OLFM2: variants seen among roughly 807,000 people sequenced by gnomAD.
OLFM2 encodes noelin-2.
Under a neutral mutation model 43.9 loss-of-function variants are expected in OLFM2, and 20 were observed. The ratio of observed to expected loss-of-function variants is 0.46; its 90% CI spans 0.32 to 0.66. The LOEUF is 0.66. OLFM2 is among the 30% of genes least tolerant of loss of function. The probability of loss-of-function intolerance (pLI) is 0.04; values close to 1 mark genes in which losing one functional copy is unlikely to be tolerated. For missense variants in OLFM2, 416 were observed against 643.6 expected (o/e 0.65, Z 3.83); for synonymous variants, 268 against 278.6 (o/e 0.96, Z 0.38).
intron 1 of OLFM2, among the ~76,000 whole-genome samples, chr19:9,914,404 A>G (rs1185131783): frequency 1.3e-5 from 2 of 151,966 alleles, no homozygotes. Flanking sequence ...CACTCTAAGG[A>G]TCCTTCGGTC....
At chr19:9,935,490 A>G (rs1419508019) in intron 1 of OLFM2, among the ~76,000 whole-genome samples, 2 of 152,126 alleles carry the variant, frequency 1.3e-5, no homozygotes, top group African/African-American at 4.8e-5. Context: ...CAAGGCACCA[A>G]GATACACACA....
At chr19:9,924,889 G>GATAT (rs60738328) in intron 1 of OLFM2, among the ~76,000 whole-genome samples, 1 of 147,704 alleles carries the variant, frequency 6.8e-6, no homozygotes, top group Admixed American at 6.8e-5. Context: ...ATATATATGT[G>GATAT]ATATATATAT....
At chr19:9,913,659 C>T in intron 1 of OLFM2, 2 of 1,170,354 alleles carry the variant, frequency 1.7e-6, no homozygotes, top group Non-Finnish European at 2.1e-6. Flanking sequence ...GCCGCGCGTC[C>T]CTTCTCTGGC....
chr19:9,934,350 C>A (rs2086503184), intron 1 of OLFM2, among the ~76,000 whole-genome samples: 1 of 152,162 alleles, frequency 6.6e-6, no homozygotes. Flanking sequence ...CCCCCGTTGT[C>A]CTTTAGCCCC....
chr19:9,897,295 T>A (rs1479950633), intron 1 of OLFM2, among the ~76,000 whole-genome samples: 1 of 142,338 alleles, frequency 7.0e-6, no homozygotes, highest in Admixed American at 7.3e-5. Context: ...ACCACTACAC[T>A]CTAGCCTGGG....
chr19:9,931,398 A>G (rs1884569150), intron 1 of OLFM2, among the ~76,000 whole-genome samples: 1 of 151,870 alleles, frequency 6.6e-6, no homozygotes, highest in Non-Finnish European at 1.5e-5. Flanking sequence ...AGCCTGGCCA[A>G]TTTTTTTTAA....
intron 1 of OLFM2, chr19:9,913,982 C>T: frequency 6.7e-6 from 1 of 148,856 alleles, no homozygotes; most frequent in East Asian, 2.0e-4. Context: ...CGCCCCCCGC[C>T]GAGGACCTCT....
At chr19:9,865,161 TTCTCC>T (rs2046391118) in intron 1 of OLFM2, among the ~76,000 whole-genome samples, 1 of 124,656 alleles carries the variant, frequency 8.0e-6, no homozygotes, top group South Asian at 2.3e-4. Flanking sequence ...CTTCTTCTTC[TTCTCC>T]TCTTTTTTTT....
intron 1 of OLFM2, among the ~76,000 whole-genome samples, chr19:9,874,749 G>A (rs561601226): frequency 2.8e-4 from 42 of 152,246 alleles, no homozygotes; most frequent in South Asian, 1.7e-3. Flanking sequence ...CCAAAGTGCT[G>A]GGATTACAGG....
At chr19:9,878,178 C>G (rs889088672) in intron 1 of OLFM2, among the ~76,000 whole-genome samples, 3 of 152,086 alleles carry the variant, frequency 2.0e-5, no homozygotes, top group African/African-American at 7.2e-5. Context: ...CTGTGGTAGT[C>G]TGTTATAGTA....
In OLFM2 at chr19:9,857,291, G is replaced by A. The variant is rs2046327599; in HGVS notation, c.552C>T (p.Ala184=). The change falls in exon 4 of 6, where the codon GCC becomes GCT. Residue 184 remains alanine, a synonymous_variant. Transcript: ENST00000264833. The surrounding 1 kb of genome is among the most constrained non-coding windows in gnomAD (Gnocchi z 5.7). ...GCTTCTGGGCGCAGGCGTGGAGCCG[G>A]GCCTCCAGGGCCATCACCCGTTGCT... ...DLQQRVMALE[A]RLHACAQKLG... 1 of 1,614,050 alleles carries A rather than the reference G, an allele frequency of 6.2e-7. No homozygotes were observed. Among genetic ancestry groups the A allele is most frequent in the Non-Finnish European group, 8.5e-7 (1 of 1,180,004 alleles).
At chr19:9,914,858 CGCCGTCGCCCTCAGCCCGCG>C (rs572601764) in intron 1 of OLFM2, among the ~76,000 whole-genome samples, 2 of 152,190 alleles carry the variant, frequency 1.3e-5, no homozygotes, top group Non-Finnish European at 1.5e-5. Context: ...GCTCCGCCGC[CGCCGTCGCCCTCAGCCCGCG>C]GCCGCCGCCG....
At chr19:9,891,087 G>A (rs547669799) in intron 1 of OLFM2, among the ~76,000 whole-genome samples, 2 of 152,238 alleles carry the variant, frequency 1.3e-5, no homozygotes, top group African/African-American at 2.4e-5. Flanking sequence ...GCTGAGGCAC[G>A]CAGATCACCT....
intron 1 of OLFM2, among the ~76,000 whole-genome samples, chr19:9,877,222 T>C (rs1599475463): frequency 4.4e-5 from 4 of 90,280 alleles, no homozygotes; most frequent in Non-Finnish European, 6.4e-5. Flanking sequence ...AGAGTGAGAC[T>C]CCATCTCAAA....
intron 1 of OLFM2, among the ~76,000 whole-genome samples, chr19:9,901,435 C>A (rs2074474061): frequency 6.6e-6 from 1 of 150,790 alleles, no homozygotes; most frequent in South Asian, 2.1e-4. Context: ...CAAAAACAAA[C>A]AAACAAACAA....
chr19:9,868,123 C>T (rs1405111809), intron 1 of OLFM2, among the ~76,000 whole-genome samples: 5 of 151,450 alleles, frequency 3.3e-5, no homozygotes, highest in Non-Finnish European at 5.9e-5. Flanking sequence ...AGTGCAATGG[C>T]GTGATCTTGG....
At chr19:9,890,072 GAGGAC>G (rs1367181133) in intron 1 of OLFM2, among the ~76,000 whole-genome samples, 2 of 152,202 alleles carry the variant, frequency 1.3e-5, no homozygotes, top group East Asian at 3.9e-4. Context: ...CACGGGTCGG[GAGGAC>G]AGGGGTCTCT....
At chr19:9,927,859 C>G (rs564377593) in intron 1 of OLFM2, among the ~76,000 whole-genome samples, 2 of 151,748 alleles carry the variant, frequency 1.3e-5, no homozygotes, top group African/African-American at 4.8e-5. Flanking sequence ...GTCAGGAGTT[C>G]GAGACCAGCC....
At chr19:9,868,435 G>A (rs551253394) in intron 1 of OLFM2, among the ~76,000 whole-genome samples, 1 of 151,964 alleles carries the variant, frequency 6.6e-6, no homozygotes, top group Admixed American at 6.6e-5. Context: ...TCAAATTCCT[G>A]GGCTCAAGCA....
Sources: allele counts gnomAD v4.1 joint callset (sites outside exome capture counted in the v4.1 genomes callset), GRCh38; gene constraint gnomAD v4.1.1; non-coding constraint Gnocchi (gnomAD v3.1); transcripts MANE v1.5; gene names NCBI Gene and HGNC (gene_info 2026-07-23, HGNC 2026-07-21).